The following ITPR1 variants were observed in gnomAD, a reference collection of about 807,000 sequenced individuals.
ITPR1 encodes inositol 1,4,5-trisphosphate-gated calcium channel ITPR1.
In ITPR1, 96 loss-of-function variants were observed where a neutral mutation model predicts 318.4. The observed-to-expected ratio is 0.30, with a 90% CI of 0.26 to 0.36. The LOEUF (loss-of-function observed/expected upper bound fraction) is 0.36, where lower values mean the gene tolerates loss of function less well. Ranked by LOEUF, ITPR1 falls within the 10% of genes least tolerant of loss-of-function variation. The pLI, the probability that ITPR1 is intolerant of heterozygous loss-of-function variation, is 1.00. For missense variants in ITPR1, 2,440 were observed against 3,460.2 expected, an observed-to-expected ratio of 0.71 and a Z score of 7.40; for synonymous variants, 1,312 against 1,289.9, an observed-to-expected ratio of 1.02 and a Z score of -0.37.
At chr3:4,579,114 TC>T (rs1268140790) in intron 4 of ITPR1, among the ~76,000 whole-genome samples, 2 of 152,154 alleles carry the variant, frequency 1.3e-5, no homozygotes, top group African/African-American at 2.4e-5. Context: ...CTTACCTGGG[TC>T]TCAGTTCCGG....
intron 61 of ITPR1, among the ~76,000 whole-genome samples, chr3:4,841,099 C>T (rs900481194): frequency 1.3e-5 from 2 of 152,120 alleles, no homozygotes; most frequent in African/African-American, 4.8e-5. Context: ...TTAAACGACC[C>T]GTACTGCATC....
intron 48 of ITPR1, among the ~76,000 whole-genome samples, chr3:4,777,705 C>G (rs2046566227): frequency 1.3e-5 from 2 of 151,710 alleles, no homozygotes; most frequent in Admixed American, 1.3e-4. Flanking sequence ...GTGGAAACGC[C>G]ATTCCCTCTC....
intron 13 of ITPR1, among the ~76,000 whole-genome samples, chr3:4,658,786 G>A (rs569259349): frequency 1.9e-4 from 29 of 152,088 alleles, no homozygotes; most frequent in African/African-American, 6.3e-4. Context: ...GCTTAAGAAT[G>A]CATTTTTCAG....
chr3:4,574,876 C>A (rs1010628673), intron 4 of ITPR1, among the ~76,000 whole-genome samples: 1 of 152,178 alleles, frequency 6.6e-6, no homozygotes, highest in African/African-American at 2.4e-5. Context: ...GATCTGCAGG[C>A]TTCTGGGGTC....
intron 44 of ITPR1, among the ~76,000 whole-genome samples, chr3:4,747,171 A>G (rs2044169216): frequency 6.6e-6 from 1 of 152,190 alleles, no homozygotes; most frequent in Admixed American, 6.5e-5. Context: ...TCTTCTTTGT[A>G]ATAATGATGG....
At chr3:4,786,027 A>C (rs2047174827) in intron 51 of ITPR1, among the ~76,000 whole-genome samples, 1 of 152,210 alleles carries the variant, frequency 6.6e-6, no homozygotes, top group Admixed American at 6.5e-5. Flanking sequence ...CTGGTGAACT[A>C]GGCTGGGTAG....
At chr3:4,569,611 A>T (rs2087767250) in intron 4 of ITPR1, among the ~76,000 whole-genome samples, 1 of 152,222 alleles carries the variant, frequency 6.6e-6, no homozygotes, top group African/African-American at 2.4e-5. Context: ...GTGTAGTAAG[A>T]GGGATCATGG....
In ITPR1 at chr3:4,670,855, G is replaced by A; in HGVS notation, c.2133G>A (p.Lys711=). The A allele has an allele frequency of 6.2e-7, 1 of 1,611,012 alleles. No individual in the cohort carries two copies. Among genetic ancestry groups the A allele is most frequent in the Non-Finnish European group, 8.5e-7 (1 of 1,178,512 alleles). ...ACAGCAACAAAGAGATTCGCAGCAA[G>A]AGTGTGAGGGAATTGGCTCAGGATG... ...WRDSNKEIRS[K]SVRELAQDAK... The change falls in exon 20 of 62, where the codon AAG becomes AAA. Residue 711 remains lysine, a synonymous_variant. Coordinates refer to ENST00000649015, the MANE Select transcript of ITPR1 (RefSeq NM_001378452.1).
At chr3:4,763,640 A>G (rs957752287) in intron 44 of ITPR1, among the ~76,000 whole-genome samples, 4 of 152,246 alleles carry the variant, frequency 2.6e-5, no homozygotes, top group Non-Finnish European at 5.9e-5. Context: ...CATTCTATCA[A>G]TAAAGCTGCT....
At chr3:4,536,649 GT>G (rs2083900326) in intron 4 of ITPR1, among the ~76,000 whole-genome samples, 1 of 152,156 alleles carries the variant, frequency 6.6e-6, no homozygotes, top group African/African-American at 2.4e-5. Flanking sequence ...GATGTTCATT[GT>G]TTTTATCTAT....
intron 4 of ITPR1, among the ~76,000 whole-genome samples, chr3:4,622,113 T>G (rs1302095186): frequency 6.8e-6 from 1 of 147,424 alleles, no homozygotes. Flanking sequence ...AGTAGACTTT[T>G]TTTTTTTTTT....
intron 12 of ITPR1, among the ~76,000 whole-genome samples, chr3:4,656,675 C>T (rs1398439463): frequency 2.0e-5 from 3 of 152,218 alleles, no homozygotes; most frequent in African/African-American, 7.2e-5. Flanking sequence ...GAGTTAGATT[C>T]TCCCAGGCTC....
At chr3:4,800,767 C>G (rs1158278997) in intron 54 of ITPR1, among the ~76,000 whole-genome samples, 167 bp downstream of exon 54, 4 of 152,210 alleles carry the variant, frequency 2.6e-5, no homozygotes, top group Non-Finnish European at 5.9e-5. Context: ...GGACGTCTCC[C>G]TCTTGACCTC....
chr3:4,554,364 G>T (rs1290393062), intron 4 of ITPR1, among the ~76,000 whole-genome samples: 1 of 152,254 alleles, frequency 6.6e-6, no homozygotes, highest in Non-Finnish European at 1.5e-5. Context: ...TTTTTGCCGA[G>T]TCGCAGAAGG....
intron 53 of ITPR1, among the ~76,000 whole-genome samples, chr3:4,797,537 C>T (rs2047976316): frequency 6.6e-6 from 1 of 152,172 alleles, no homozygotes; most frequent in Non-Finnish European, 1.5e-5. Flanking sequence ...AGTATCACCG[C>T]CCCTCCACCT....
Position 4,517,372 on chromosome 3 carries a change from G to A in ITPR1, c.92+789G>A, listed in dbSNP as rs115060668. ...CCCCGGGGCGGCATTGTTGAATTTG[G>A]CAAGAGCTGGACTCAAATAAATTGG... is the stretch of plus-strand genomic sequence containing the variant. On this transcript the variant is annotated intron_variant, in intron 3 of 61. Transcript: ENST00000649015. Among the ~76,000 whole-genome samples, 1,351 of 152,260 alleles carry A rather than the reference G, an allele frequency of 8.9e-3. 24 individuals carry two copies. Among genetic ancestry groups the A allele is most frequent in the African/African-American group, 0.031 (1,268 of 41,522 alleles).
At position 4,667,446 on chromosome 3, in the gene ITPR1, A is replaced by G; in HGVS notation, c.1783A>G (p.Ile595Val). The G allele has an allele frequency of 6.2e-7, 1 of 1,613,718 alleles. No homozygotes were observed. The highest frequency in any genetic ancestry group is 2.2e-5 in the East Asian group (1 of 44,854). ...IGYDVLAEDT[I>V]TALLHNNRKL... ...CTATGATGTGTTGGCTGAAGACACT[A>G]TCACTGCCCTGCTCCACAATAATCG... Residue 595 changes from isoleucine to valine, a missense_variant, in exon 18 of 62, where the codon ATC becomes GTC. Physicochemically the swap from Ile to Val is conservative, Grantham distance 29. This residue lies in a region of ITPR1 where 478 missense variants were observed against 696.3 expected (regional missense o/e 0.69). Transcript: ENST00000649015.
chr3:4,805,979 G>C (rs1307770916), intron 54 of ITPR1, 124 bp from the exon 55 acceptor site: 10 of 781,260 alleles, frequency 1.3e-5, no homozygotes, highest in African/African-American at 1.7e-5. Context: ...TGGGCACCGG[G>C]TGGAAAAGGA....
At chr3:4,575,457 A>T (rs1027491440) in intron 4 of ITPR1, among the ~76,000 whole-genome samples, 2 of 152,224 alleles carry the variant, frequency 1.3e-5, no homozygotes, top group Admixed American at 1.3e-4. Flanking sequence ...CAGAAAATTT[A>T]TTAAATATCA....
Sources: allele counts gnomAD v4.1 joint callset (sites outside exome capture counted in the v4.1 genomes callset), GRCh38; gene constraint gnomAD v4.1.1; regional missense constraint gnomAD v4.1.1; transcripts MANE v1.5; gene names NCBI Gene and HGNC (gene_info 2026-07-23, HGNC 2026-07-21).